SYT16: variants seen among roughly 807,000 people sequenced by gnomAD.
SYT16 encodes the protein synaptotagmin-16.
A neutral mutation model predicts 61.4 loss-of-function variants in SYT16; 42 were observed. The observed-to-expected ratio is 0.68, with a 90% CI of 0.53 to 0.89. SYT16 has a LOEUF of 0.89. SYT16 is among the 40% of genes least tolerant of loss of function. The pLI, the probability that SYT16 is intolerant of heterozygous loss-of-function variation, is 0.00. For missense variants in SYT16, 804 were observed against 807.3 expected, an observed-to-expected ratio of 1.00 and a Z score of 0.05; for synonymous variants, 314 against 302.3, an observed-to-expected ratio of 1.04 and a Z score of -0.40.
At chr14:61,916,396 C>G (rs2049123108) in intron 1 of SYT16, among the ~76,000 whole-genome samples, 1 of 152,130 alleles carries the variant, frequency 6.6e-6, no homozygotes, top group South Asian at 2.1e-4. Context: ...GCTCCTATTA[C>G]TCCACGGAGA....
chr14:61,869,327 A>C (rs1475354779), intron 1 of SYT16, among the ~76,000 whole-genome samples: 5 of 151,906 alleles, frequency 3.3e-5, no homozygotes, highest in African/African-American at 1.2e-4. Context: ...TACCGTCTTT[A>C]TTCTTTTTGC....
chr14:62,015,490 C>A (rs897275984), intron 3 of SYT16, among the ~76,000 whole-genome samples: 2 of 71,252 alleles, frequency 2.8e-5, no homozygotes, highest in Non-Finnish European at 5.6e-5. Flanking sequence ...TGACCTTCTC[C>A]TCCCAACATT....
chr14:61,933,154 G>A (rs576270541), intron 1 of SYT16, among the ~76,000 whole-genome samples: 78 of 152,272 alleles, frequency 5.1e-4, no homozygotes, highest in African/African-American at 1.6e-3. Flanking sequence ...GGAGTGTTCC[G>A]TGGAGCCCCT....
chr14:61,870,963 C>T (rs2047313467), intron 1 of SYT16, among the ~76,000 whole-genome samples: 1 of 151,978 alleles, frequency 6.6e-6, no homozygotes, highest in East Asian at 1.9e-4. Flanking sequence ...TTTTGCCTGC[C>T]TGGTAATTTT....
intron 2 of SYT16, among the ~76,000 whole-genome samples, chr14:61,994,572 C>T (rs2052686119): frequency 6.6e-6 from 1 of 152,116 alleles, no homozygotes; most frequent in African/African-American, 2.4e-5. Context: ...CCTACTCTTG[C>T]AGCTGGTGAA....
chr14:61,832,793 G>A (rs952941482), intron 1 of SYT16, among the ~76,000 whole-genome samples: 2 of 152,074 alleles, frequency 1.3e-5, no homozygotes, highest in African/African-American at 2.4e-5. Context: ...CCTAGCAATA[G>A]TTTTGTTTTC....
At chr14:62,067,480 C>T (rs1008676308) in intron 3 of SYT16, among the ~76,000 whole-genome samples, 5 of 152,092 alleles carry the variant, frequency 3.3e-5, no homozygotes, top group African/African-American at 9.7e-5. Flanking sequence ...GAGGAACAAT[C>T]TCGGCCTGTT....
intron 2 of SYT16, 37 bp from the exon 3 acceptor site, chr14:61,995,839 C>G: frequency 1.7e-6 from 1 of 596,826 alleles, no homozygotes; most frequent in Non-Finnish European, 2.8e-6. Flanking sequence ...GAGGTTGTAA[C>G]TTTAACAGGT....
At chr14:61,964,475 T>A (rs1194308106) in intron 1 of SYT16, among the ~76,000 whole-genome samples, 1 of 152,186 alleles carries the variant, frequency 6.6e-6, no homozygotes, top group Non-Finnish European at 1.5e-5. Context: ...GACTGAATTG[T>A]TGCAATCTCA....
At chr14:62,064,242 A>G (rs1003311852) in intron 3 of SYT16, among the ~76,000 whole-genome samples, 1 of 151,388 alleles carries the variant, frequency 6.6e-6, no homozygotes, top group African/African-American at 2.4e-5. Flanking sequence ...AGTTAAATGA[A>G]ACCCACATCA....
At chr14:61,865,554 C>T (rs2047121884) in intron 1 of SYT16, among the ~76,000 whole-genome samples, 1 of 152,144 alleles carries the variant, frequency 6.6e-6, no homozygotes, top group African/African-American at 2.4e-5. Flanking sequence ...ACTAAGGTGA[C>T]TGGTATAGTC....
At chr14:61,953,102 C>T (rs1242956796) in intron 1 of SYT16, among the ~76,000 whole-genome samples, 1 of 152,092 alleles carries the variant, frequency 6.6e-6, no homozygotes, top group African/African-American at 2.4e-5. Flanking sequence ...AAAATTAAAG[C>T]TCTCAGTGTA....
At chr14:61,934,680 A>C (rs1047170525) in intron 1 of SYT16, among the ~76,000 whole-genome samples, 2 of 152,240 alleles carry the variant, frequency 1.3e-5, no homozygotes, top group Non-Finnish European at 2.9e-5. Context: ...GGCAAGCTCC[A>C]TTCTAGTTCT....
intron 3 of SYT16, among the ~76,000 whole-genome samples, chr14:62,068,029 C>T (rs1004117625): frequency 5.9e-5 from 9 of 152,058 alleles, no homozygotes; most frequent in South Asian, 4.1e-4. Context: ...ATATGATCCA[C>T]AAGTCCATCT....
chr14:61,914,581 G>A (rs752767268), intron 1 of SYT16, among the ~76,000 whole-genome samples: 5 of 151,694 alleles, frequency 3.3e-5, no homozygotes, highest in Non-Finnish European at 7.4e-5. Flanking sequence ...CCCCAGCTGT[G>A]TAAAGTGGCA....
intron 3 of SYT16, among the ~76,000 whole-genome samples, chr14:62,065,259 G>A (rs183533212): frequency 3.3e-5 from 5 of 152,256 alleles, no homozygotes; most frequent in African/African-American, 9.6e-5. Context: ...TAGATGCTAC[G>A]CTTAAGTCCC....
intron 1 of SYT16, among the ~76,000 whole-genome samples, chr14:61,820,185 TC>T (rs1478287153): frequency 6.6e-6 from 1 of 152,216 alleles, no homozygotes; most frequent in African/African-American, 2.4e-5. Context: ...CATGTTTTCT[TC>T]CCCAATGTTT....
intron 1 of SYT16, among the ~76,000 whole-genome samples, chr14:61,886,651 C>T (rs2047910175): frequency 6.6e-6 from 1 of 152,260 alleles, no homozygotes; most frequent in South Asian, 2.1e-4. Context: ...GTGCTATTTC[C>T]ACTGCAGTTA....
At chr14:61,976,438 TG>T (rs2140545098) in intron 2 of SYT16, among the ~76,000 whole-genome samples, 1 of 152,316 alleles carries the variant, frequency 6.6e-6, no homozygotes, top group South Asian at 2.1e-4. Flanking sequence ...AGGTTCTCCA[TG>T]AGGGCTCAGC....
Sources: gnomAD v4.1 joint callset for allele counts (sites outside exome capture counted in the v4.1 genomes callset) on GRCh38, gnomAD v4.1.1 for gene constraint, MANE v1.5 for transcripts, NCBI Gene and HGNC (gene_info 2026-07-23, HGNC 2026-07-21) for gene names.